The following RALGPS1 variants were observed in gnomAD, a reference collection of about 807,000 sequenced individuals.
RALGPS1 encodes ras-specific guanine nucleotide-releasing factor RalGPS1.
RALGPS1 carries 19 observed loss-of-function variants against 78.8 expected under a neutral mutation model. The observed-to-expected ratio is 0.24, with a 90% CI of 0.17 to 0.35. The LOEUF is 0.35. RALGPS1 is among the 10% of genes least tolerant of loss of function. RALGPS1 has a pLI of 1.00. For synonymous variants in RALGPS1, 228 were observed against 256.3 expected, an observed-to-expected ratio of 0.89 and a Z score of 1.06; for missense variants, 454 against 688.3, an observed-to-expected ratio of 0.66 and a Z score of 3.81.
At chr9:127,050,274 C>T in intron 6 of RALGPS1, 142 bp downstream of exon 6, 2 of 718,266 alleles carry the variant, frequency 2.8e-6, no homozygotes, top group South Asian at 1.8e-5. Flanking sequence ...TGTGGCTTGA[C>T]TTCCCTAGGC....
intron 5 of RALGPS1, among the ~76,000 whole-genome samples, chr9:127,038,311 C>G (rs756941747): frequency 6.6e-6 from 1 of 152,244 alleles, no homozygotes; most frequent in Non-Finnish European, 1.5e-5. Context: ...ATATTTTACA[C>G]TCATTTCATG....
intron 8 of RALGPS1, among the ~76,000 whole-genome samples, chr9:127,151,974 T>C (rs1022677687): frequency 6.6e-6 from 1 of 152,214 alleles, no homozygotes; most frequent in African/African-American, 2.4e-5. Flanking sequence ...ACATCCATGA[T>C]GCAAATCTCC....
At chr9:126,938,254 A>G (rs924247360) in intron 1 of RALGPS1, among the ~76,000 whole-genome samples, 2 of 152,178 alleles carry the variant, frequency 1.3e-5, no homozygotes, top group African/African-American at 2.4e-5. Flanking sequence ...AGGCCAGGAT[A>G]TATTGTTAGG....
intron 8 of RALGPS1, among the ~76,000 whole-genome samples, chr9:127,156,428 G>A (rs913212172): frequency 1.3e-5 from 2 of 152,012 alleles, no homozygotes; most frequent in African/African-American, 2.4e-5. Flanking sequence ...TTTTCCACAC[G>A]CTCATCAACA....
intron 11 of RALGPS1, among the ~76,000 whole-genome samples, chr9:127,179,304 CAG>C (rs1198555726): frequency 3.3e-5 from 5 of 152,182 alleles, no homozygotes; most frequent in Admixed American, 2.0e-4. Context: ...CCTCAGAAGA[CAG>C]AGAGTGGGTG....
intron 8 of RALGPS1, among the ~76,000 whole-genome samples, chr9:127,159,495 T>C (rs2058896520): frequency 1.3e-5 from 2 of 152,208 alleles, no homozygotes; most frequent in African/African-American, 4.8e-5. Context: ...TGTGACTGCC[T>C]GCGCCTGCCC....
intron 7 of RALGPS1, among the ~76,000 whole-genome samples, chr9:127,057,181 T>A (rs2048814821): frequency 6.6e-6 from 1 of 152,106 alleles, no homozygotes; most frequent in Non-Finnish European, 1.5e-5. Flanking sequence ...CAAGAACCTG[T>A]GAGAGAATCA....
At chr9:127,109,537 G>A (rs753337468) in intron 8 of RALGPS1, among the ~76,000 whole-genome samples, 1 of 152,216 alleles carries the variant, frequency 6.6e-6, no homozygotes, top group East Asian at 1.9e-4. Flanking sequence ...AATATTTGCA[G>A]TAGCCAGTGA....
chr9:127,211,675 G>A lies in RALGPS1; in HGVS notation c.1248-456G>A, dbSNP rs115948142. Among the ~76,000 whole-genome samples, 327 of 152,132 alleles carry A rather than the reference G, an allele frequency of 2.1e-3. No homozygotes were observed. The highest frequency in any genetic ancestry group is 7.7e-3 in the African/African-American group (321 of 41,508). ...TGGGGAATGGTGCGTGTGGGCTCGC[G>A]TCCCTCCTGTCCCTCCACACCACCT... On this transcript the variant is annotated intron_variant, in intron 14 of 18. Coordinates refer to ENST00000259351, the MANE Select transcript of RALGPS1 (RefSeq NM_014636.3). This position sits in a 1 kb window ranked among gnomAD's most constrained non-coding sequence, Gnocchi z 5.0.
At chr9:126,962,379 A>G in intron 2 of RALGPS1, 33 bp downstream of exon 2, 1 of 1,611,130 alleles carries the variant, frequency 6.2e-7, no homozygotes, top group Non-Finnish European at 8.5e-7. Flanking sequence ...GACAGTGGGT[A>G]GAGGGGTCTC....
chr9:127,199,541 C>CCCTCTGCCTCCCTCGAGGATA (rs1473526810), intron 14 of RALGPS1, among the ~76,000 whole-genome samples: 5 of 149,278 alleles, frequency 3.3e-5, no homozygotes, highest in Non-Finnish European at 7.4e-5. Context: ...CCTCGAGGAT[C>CCCTCTGCCTCCCTCGAGGATA]CCTCTGCCTC....
intron 14 of RALGPS1, among the ~76,000 whole-genome samples, chr9:127,202,958 G>C (rs1181792828): frequency 6.6e-6 from 1 of 152,210 alleles, no homozygotes; most frequent in African/African-American, 2.4e-5. Flanking sequence ...CTGTGGGCTT[G>C]TCAGGATGAT....
At chr9:126,915,186 C>A (rs961981122) in intron 1 of RALGPS1, among the ~76,000 whole-genome samples, 1 of 139,508 alleles carries the variant, frequency 7.2e-6, no homozygotes, top group African/African-American at 2.6e-5. Context: ...CGGGGCCTGG[C>A]CGGGGTCCGG....
intron 8 of RALGPS1, among the ~76,000 whole-genome samples, chr9:127,077,432 G>A (rs757341683): frequency 4.6e-5 from 7 of 152,192 alleles, no homozygotes; most frequent in African/African-American, 7.2e-5. Context: ...CCATTTGTGC[G>A]TTTCAGCTGT....
chr9:126,944,576 A>T (rs929983549), intron 1 of RALGPS1, among the ~76,000 whole-genome samples: 1 of 138,872 alleles, frequency 7.2e-6, no homozygotes, highest in South Asian at 2.8e-4. Context: ...ATGGGGAGGG[A>T]AATTGGGTGG....
chr9:127,104,628 A>C lies in RALGPS1; in HGVS notation c.610+35272A>C, dbSNP rs888518039. ...TCCTCACTCAGGCTCTCAGTAGGCC[A>C]TCCTGGCCTGGGACCACCCTGTTAC... On this transcript the variant is annotated intron_variant, in intron 8 of 18. Transcript: ENST00000259351. Among the ~76,000 whole-genome samples, 4 of 152,362 alleles carry C rather than the reference A, an allele frequency of 2.6e-5. No individual in the cohort carries two copies. In the South Asian group the frequency reaches 8.3e-4, roughly 32 times the overall value.
intron 8 of RALGPS1, among the ~76,000 whole-genome samples, chr9:127,077,707 C>T (rs565580288): frequency 6.6e-6 from 1 of 152,212 alleles, no homozygotes; most frequent in Non-Finnish European, 1.5e-5. Context: ...TTTTTCATTT[C>T]CCCTCCCCAC....
intron 8 of RALGPS1, among the ~76,000 whole-genome samples, chr9:127,141,616 C>CAAAAAAAAAAA (rs61291398): frequency 1.6e-4 from 11 of 68,650 alleles, no homozygotes; most frequent in African/African-American, 5.3e-4. Context: ...TTTTTAATGG[C>CAAAAAAAAAAA]AAAAAAAAAA....
At chr9:127,008,222 G>A (rs146688096) in intron 4 of RALGPS1, among the ~76,000 whole-genome samples, 1,727 of 152,184 alleles carry the variant, frequency 0.011, 39 homozygotes, top group African/African-American at 0.04. Context: ...AAGTGCCTGT[G>A]TGATACCTGC....
Sources: allele counts gnomAD v4.1 joint callset (sites outside exome capture counted in the v4.1 genomes callset), GRCh38; gene constraint gnomAD v4.1.1; non-coding constraint Gnocchi (gnomAD v3.1); transcripts MANE v1.5; gene names NCBI Gene and HGNC (gene_info 2026-07-23, HGNC 2026-07-21).